The following VKORC1L1 variants were observed in gnomAD, a reference collection of about 807,000 sequenced individuals.
VKORC1L1 encodes vitamin K epoxide reductase complex subunit 1-like protein 1.
VKORC1L1 carries 2 observed loss-of-function variants against 18.9 expected under a neutral mutation model. The observed-to-expected ratio is 0.11, with a 90% CI of 0.04 to 0.33. The LOEUF (loss-of-function observed/expected upper bound fraction) is 0.33, where lower values mean the gene tolerates loss of function less well. Among genes scored for constraint, VKORC1L1 ranks in the 10% least tolerant of loss-of-function variants. The pLI is 1.00. For synonymous variants in VKORC1L1, 96 were observed against 100.0 expected (o/e 0.96, Z 0.24); for missense variants, 123 against 224.1 (o/e 0.55, Z 2.88).
intron 1 of VKORC1L1, among the ~76,000 whole-genome samples, chr7:65,921,268 G>A (rs1393901937): frequency 6.6e-6 from 1 of 152,104 alleles, no homozygotes; most frequent in Non-Finnish European, 1.5e-5. Context: ...TAAAGCTAAC[G>A]TCTTAGGATT....
At chr7:65,931,083 A>T (rs1354850331) in intron 1 of VKORC1L1, among the ~76,000 whole-genome samples, 1 of 152,124 alleles carries the variant, frequency 6.6e-6, no homozygotes, top group Non-Finnish European at 1.5e-5. Context: ...CCACTTGGTC[A>T]TGATATATTA....
chr7:65,948,381 A>T (rs2115735574), intron 1 of VKORC1L1, among the ~76,000 whole-genome samples: 1 of 140,792 alleles, frequency 7.1e-6, no homozygotes, highest in South Asian at 2.4e-4. Context: ...TTGGAAAACG[A>T]ATACTTTGCC....
At chr7:65,867,284 C>G in the VKORC1L1 span, among the ~76,000 whole-genome samples, 1 of 152,082 alleles carries the variant, frequency 6.6e-6, no homozygotes, top group East Asian at 1.9e-4. Context: ...GATAACCCAA[C>G]CTACCTCTCG....
chr7:65,866,456 G>A, the VKORC1L1 span, among the ~76,000 whole-genome samples: 1 of 152,044 alleles, frequency 6.6e-6, no homozygotes, highest in Admixed American at 6.6e-5. Flanking sequence ...GCTGCAATGT[G>A]GACTGTGGAC....
chr7:65,908,730 A>G (rs1284708541), intron 1 of VKORC1L1, among the ~76,000 whole-genome samples: 2 of 148,964 alleles, frequency 1.3e-5, no homozygotes, highest in African/African-American at 4.9e-5. Flanking sequence ...CCAGCTACTC[A>G]GGAGGCTGAG....
At position 65,873,280 on chromosome 7, in the gene VKORC1L1, G is replaced by T; in HGVS notation, c.-92G>T. On this transcript the variant is annotated 5_prime_UTR_variant, in exon 1 of 3. Coordinates refer to ENST00000360768, the MANE Select transcript of VKORC1L1 (RefSeq NM_173517.6). ...GGTGGTGGCGGCGGCGGCGGAGGCG[G>T]CGGTGGCGGCGGTGGCGGCTGGGTC... The T allele has an allele frequency of 9.9e-7, 1 of 1,007,382 alleles. No individual in the cohort carries two copies. Among genetic ancestry groups the T allele is most frequent in the Non-Finnish European group, 1.2e-6 (1 of 846,402 alleles). 62.4% of individuals were successfully genotyped at this position (1,007,382 alleles called of 1,614,324 possible).
chr7:65,903,056 G>A (rs2086113343), intron 1 of VKORC1L1, among the ~76,000 whole-genome samples: 1 of 151,750 alleles, frequency 6.6e-6, no homozygotes, highest in South Asian at 2.1e-4. Flanking sequence ...AGTAGAGACG[G>A]GGTTTCTCCA....
chr7:65,899,983 AGAGT>A (rs1789282909), intron 1 of VKORC1L1, among the ~76,000 whole-genome samples: 1 of 149,410 alleles, frequency 6.7e-6, no homozygotes, highest in East Asian at 2.0e-4. Context: ...CAGGACAACA[AGAGT>A]GAAACTGTCA....
intron 1 of VKORC1L1, among the ~76,000 whole-genome samples, chr7:65,903,205 TG>T (rs1477655629): frequency 1.3e-5 from 2 of 150,428 alleles, no homozygotes; most frequent in African/African-American, 4.9e-5. Flanking sequence ...GTCTCACTCT[TG>T]CCCAGGCTGG....
chr7:65,946,431 C>T (rs946878973), intron 1 of VKORC1L1, among the ~76,000 whole-genome samples: 7 of 152,216 alleles, frequency 4.6e-5, no homozygotes, highest in Middle Eastern at 6.8e-3. Context: ...AGACCAGAAG[C>T]GTCAGTGTTG....
At chr7:65,888,862 G>T (rs1789059065) in intron 1 of VKORC1L1, among the ~76,000 whole-genome samples, 3 of 152,134 alleles carry the variant, frequency 2.0e-5, no homozygotes, top group Admixed American at 2.0e-4. Context: ...CAAACTTGCA[G>T]CCATTCTCAG....
intron 1 of VKORC1L1, among the ~76,000 whole-genome samples, chr7:65,894,740 G>GAAAGA (rs1344627072): frequency 2.0e-5 from 3 of 152,006 alleles, no homozygotes; most frequent in African/African-American, 7.2e-5. Context: ...AAAGGAAAAA[G>GAAAGA]AAAGAAAAGA....
At position 65,909,737 on chromosome 7, in the gene VKORC1L1, T is replaced by TGTGTGTGTGTGTGA. The variant is rs1491345250; in HGVS notation, c.194+36173_194+36174insTGTGTGTGTGTGAG. On this transcript the variant is annotated intron_variant, in intron 1 of 2. Transcript: ENST00000360768. ...GTGTGTGTGTGTGTGTGTGTGTGTG[T>TGTGTGTGTGTGTGA]GACGGAGGCTTGCTCTGTCGCCCAG... 2.6e-3 allele frequency among the ~76,000 whole-genome samples: 379 copies of TGTGTGTGTGTGTGA among 145,242 alleles called. 4 individuals carry two copies. Among genetic ancestry groups the TGTGTGTGTGTGTGA allele is most frequent in the East Asian group, 8.0e-3 (39 of 4,898 alleles).
chr7:65,870,098 T>G (rs932852594), upstream of VKORC1L1, among the ~76,000 whole-genome samples: 1 of 152,038 alleles, frequency 6.6e-6, no homozygotes, highest in Non-Finnish European at 1.5e-5. Flanking sequence ...GTAGCTAACA[T>G]TTTTTGAGTG....
chr7:65,884,309 G>GGT (rs1478736133), intron 1 of VKORC1L1, among the ~76,000 whole-genome samples: 1 of 152,134 alleles, frequency 6.6e-6, no homozygotes, highest in East Asian at 1.9e-4. Context: ...TTTAGAACAT[G>GGT]GTTTAGATCT....
chr7:65,929,479 T>C (rs544739400), intron 1 of VKORC1L1, among the ~76,000 whole-genome samples: 1 of 152,182 alleles, frequency 6.6e-6, no homozygotes, highest in East Asian at 1.9e-4. Context: ...TCATTGTGTC[T>C]GTCCTTTCAC....
At chr7:65,899,093 G>T (rs1328586489) in intron 1 of VKORC1L1, among the ~76,000 whole-genome samples, 1 of 152,216 alleles carries the variant, frequency 6.6e-6, no homozygotes, top group African/African-American at 2.4e-5. Context: ...TTGAAGGCTG[G>T]CGTGTCTTAT....
chr7:65,877,988 C>T (rs912012152), intron 1 of VKORC1L1, among the ~76,000 whole-genome samples: 1 of 152,116 alleles, frequency 6.6e-6, no homozygotes, highest in African/African-American at 2.4e-5. Flanking sequence ...TGAGCACACA[C>T]AGCTTAAACC....
intron 1 of VKORC1L1, among the ~76,000 whole-genome samples, chr7:65,946,495 GC>G (rs1790121360): frequency 6.6e-6 from 1 of 151,992 alleles, no homozygotes; most frequent in African/African-American, 2.4e-5. Flanking sequence ...AGAGTCTTAG[GC>G]CCCACCACAG....
Sources: allele counts gnomAD v4.1 joint callset (sites outside exome capture counted in the v4.1 genomes callset), GRCh38; gene constraint gnomAD v4.1.1; transcripts MANE v1.5; gene names NCBI Gene and HGNC (gene_info 2026-07-23, HGNC 2026-07-21).